ARB2A: variants seen among roughly 807,000 people sequenced by gnomAD.
ARB2A encodes the protein cotranscriptional regulator ARB2A.
chr5:94,084,826 A>C, the ARB2A span, among the ~76,000 whole-genome samples: 22 of 152,176 alleles, frequency 1.4e-4, no homozygotes, highest in Non-Finnish European at 2.6e-4. Context: ...AAAAAAGAAA[A>C]AGAAATAAAT....
chr5:94,044,678 T>C, the ARB2A span, among the ~76,000 whole-genome samples: 20 of 152,162 alleles, frequency 1.3e-4, no homozygotes, highest in Admixed American at 2.6e-4. Flanking sequence ...TAAGACATTC[T>C]AAGTCACAGG....
the ARB2A span, among the ~76,000 whole-genome samples, chr5:93,765,714 G>C: frequency 3.3e-5 from 5 of 152,110 alleles, no homozygotes; most frequent in African/African-American, 4.8e-5. Flanking sequence ...AACCAAAAAA[G>C]AGCCCACATT....
At chr5:93,708,403 C>T in the ARB2A span, among the ~76,000 whole-genome samples, 1 of 152,072 alleles carries the variant, frequency 6.6e-6, no homozygotes, top group Non-Finnish European at 1.5e-5. Flanking sequence ...ATCAGCAGTC[C>T]CCAACCTTTT....
chr5:93,757,652 A>G, the ARB2A span, among the ~76,000 whole-genome samples: 1 of 152,216 alleles, frequency 6.6e-6, no homozygotes, highest in Non-Finnish European at 1.5e-5. Context: ...TAAAAGATAC[A>G]GTCTTTTTCA....
chr5:93,907,274 T>G, the ARB2A span, among the ~76,000 whole-genome samples: 1 of 151,478 alleles, frequency 6.6e-6, no homozygotes, highest in Non-Finnish European at 1.5e-5. Flanking sequence ...ATTATGACAA[T>G]TTTAAGACAT....
the ARB2A span, among the ~76,000 whole-genome samples, chr5:93,973,705 C>G: frequency 6.6e-6 from 1 of 152,156 alleles, no homozygotes; most frequent in Non-Finnish European, 1.5e-5. Flanking sequence ...ATGAGATTAA[C>G]AGCAGAATTC....
At chr5:93,774,280 C>T in the ARB2A span, among the ~76,000 whole-genome samples, 27 of 152,338 alleles carry the variant, frequency 1.8e-4, no homozygotes, top group African/African-American at 5.8e-4. Flanking sequence ...AACTCTCCAA[C>T]GGCCTTCAAG....
At chr5:93,923,607 C>T in the ARB2A span, among the ~76,000 whole-genome samples, 1 of 152,064 alleles carries the variant, frequency 6.6e-6, no homozygotes, top group African/African-American at 2.4e-5. Flanking sequence ...CTCAGGAGCT[C>T]AAGACCAACC....
the ARB2A span, among the ~76,000 whole-genome samples, chr5:93,731,681 C>G: frequency 6.6e-6 from 1 of 152,108 alleles, no homozygotes; most frequent in Non-Finnish European, 1.5e-5. Flanking sequence ...TGAATCAACC[C>G]ATTGCATCTT....
At chr5:93,714,753 C>T in the ARB2A span, among the ~76,000 whole-genome samples, 12 of 152,260 alleles carry the variant, frequency 7.9e-5, no homozygotes, top group South Asian at 2.5e-3. Context: ...TCCACATAGT[C>T]TCCTGGTCAC....
chr5:93,654,229 C>A, the ARB2A span, among the ~76,000 whole-genome samples: 1 of 152,060 alleles, frequency 6.6e-6, no homozygotes, highest in Non-Finnish European at 1.5e-5. Context: ...CCAGTGGCCA[C>A]CAGAAAAGAG....
the ARB2A span, among the ~76,000 whole-genome samples, chr5:93,766,892 A>ACATGGATGAC: frequency 1.3e-5 from 2 of 152,146 alleles, no homozygotes; most frequent in Non-Finnish European, 1.5e-5. Flanking sequence ...CTCTGTAGGG[A>ACATGGATGAC]CATGGATGAC....
chr5:94,009,850 T>C, the ARB2A span, among the ~76,000 whole-genome samples: 72 of 152,166 alleles, frequency 4.7e-4, no homozygotes, highest in African/African-American at 1.6e-3. Context: ...TCTACTATTG[T>C]TTGATATCTA....
At chr5:94,010,589 T>C in the ARB2A span, among the ~76,000 whole-genome samples, 1 of 152,252 alleles carries the variant, frequency 6.6e-6, no homozygotes, top group African/African-American at 2.4e-5. Context: ...TCATCATTTA[T>C]AGTGTTATCT....
At chr5:93,617,895 C>T in the ARB2A span, among the ~76,000 whole-genome samples, 2 of 152,102 alleles carry the variant, frequency 1.3e-5, no homozygotes, top group African/African-American at 2.4e-5. Context: ...AGTGACTCAA[C>T]TAAAGTTAGG....
At chr5:93,858,464 T>C in the ARB2A span, among the ~76,000 whole-genome samples, 1 of 152,222 alleles carries the variant, frequency 6.6e-6, no homozygotes, top group East Asian at 1.9e-4. Context: ...ATCTCAGGCC[T>C]GCTCACCTCA....
At chr5:93,718,826 T>C in the ARB2A span, among the ~76,000 whole-genome samples, 1 of 152,260 alleles carries the variant, frequency 6.6e-6, no homozygotes. Context: ...TATTTAATGT[T>C]TCCTAGCTTT....
At chr5:93,725,913 T>C in the ARB2A span, among the ~76,000 whole-genome samples, 1 of 152,044 alleles carries the variant, frequency 6.6e-6, no homozygotes, top group Non-Finnish European at 1.5e-5. Flanking sequence ...ATAAGGGGGC[T>C]CATGTCAGAG....
chr5:93,727,142 A>G, the ARB2A span, among the ~76,000 whole-genome samples: 151,969 of 152,098 alleles, frequency 1, 75,920 homozygotes, highest in Middle Eastern at 1. Context: ...AAAATATACC[A>G]GGAAACAAGG....
Sources: gnomAD v4.1 joint callset for allele counts (sites outside exome capture counted in the v4.1 genomes callset) on GRCh38, gnomAD v4.1.1 for gene constraint, MANE v1.5 for transcripts, NCBI Gene and HGNC (gene_info 2026-07-23, HGNC 2026-07-21) for gene names.